The following PLCH1 variants were observed in gnomAD, a reference collection of about 807,000 sequenced individuals.
PLCH1 encodes phospholipase C eta 1.
A neutral mutation model predicts 126.7 loss-of-function variants in PLCH1; 60 were observed. The observed-to-expected ratio is 0.47, with a 90% CI of 0.38 to 0.59. The LOEUF is 0.59. Ranked by LOEUF, PLCH1 falls within the 20% of genes least tolerant of loss-of-function variation. The pLI, the probability that PLCH1 is intolerant of heterozygous loss-of-function variation, is 0.00. For synonymous variants in PLCH1, 719 were observed against 734.9 expected (o/e 0.98, Z 0.35); for missense variants, 1,723 against 2,040.0 (o/e 0.84, Z 2.99).
rs1257181593 is a variant in PLCH1, at chr3:155,500,750, C to A, written c.1749G>T (p.Glu583Asp). 6.2e-7 allele frequency: 1 copy of A among 1,613,708 alleles called. No individual in the cohort carries two copies. Reference sequence around the variant, plus strand: ...TGCCAGTACTCTGCTGTGTGTCTTCCTCATCATCAGTACTGTAAGATTTAG... The same window carrying A: ...TGCCAGTACTCTGCTGTGTGTCTTCATCATCATCAGTACTGTAAGATTTAG... ...SRSKSYSTDDEEDTQQSTGKE... is the reference protein window; with the variant it reads ...SRSKSYSTDDDEDTQQSTGKE... Residue 583 changes from glutamate to aspartate, a missense_variant, in exon 14 of 23, where the codon GAG becomes GAT. By Grantham distance (45) the Glu-to-Asp change is conservative (BLOSUM62 2). Coordinates refer to ENST00000460012, the MANE Select transcript of PLCH1 (RefSeq NM_014996.4).
At chr3:155,541,208 G>T (rs1724183921) in intron 10 of PLCH1, among the ~76,000 whole-genome samples, 2 of 152,094 alleles carry the variant, frequency 1.3e-5, no homozygotes, top group African/African-American at 2.4e-5. Flanking sequence ...GCACAAGAAT[G>T]ATATAATAGA....
At chr3:155,455,636 C>T (rs1712419265) in intron 21 of PLCH1, among the ~76,000 whole-genome samples, 1 of 152,100 alleles carries the variant, frequency 6.6e-6, no homozygotes, top group Non-Finnish European at 1.5e-5. Flanking sequence ...AGGGTAGGGT[C>T]AACTGGAAAG....
At chr3:155,553,499 A>C (rs1224487194) in intron 9 of PLCH1, among the ~76,000 whole-genome samples, 2 of 152,186 alleles carry the variant, frequency 1.3e-5, no homozygotes, top group Non-Finnish European at 2.9e-5. Flanking sequence ...CTAGGGCAAA[A>C]CCTTAGAAAA....
chr3:155,683,391 T>C lies in PLCH1; in HGVS notation c.79+20755A>G, dbSNP rs112566330. 6.8e-4 allele frequency among the ~76,000 whole-genome samples: 104 copies of C among 152,210 alleles called. 3 individuals carry two copies. Among genetic ancestry groups the C allele is most frequent in the African/African-American group, 2.4e-3 (101 of 41,454 alleles). ...TCAATATAATTGAAAATAAAATCTC[T>C]CATAGACTCAGAACTTGATTTCAAC... On this transcript the variant is annotated intron_variant, in intron 2 of 22. Coordinates refer to ENST00000460012, the MANE Select transcript of PLCH1 (RefSeq NM_014996.4).
intron 2 of PLCH1, among the ~76,000 whole-genome samples, chr3:155,670,285 C>T (rs1577289607): frequency 6.6e-6 from 1 of 152,254 alleles, no homozygotes; most frequent in Non-Finnish European, 1.5e-5. Flanking sequence ...GATTTTATTT[C>T]ACCATCTGGG....
At chr3:155,494,289 G>T in intron 16 of PLCH1, 41 bp from the exon 17 acceptor site, 1 of 1,609,394 alleles carries the variant, frequency 6.2e-7, no homozygotes, top group South Asian at 1.1e-5. Context: ...GCAAGATGGT[G>T]GCATAGTGAG....
intron 22 of PLCH1, 150 bp from the exon 23 acceptor site, chr3:155,483,201 A>C (rs1468318771): frequency 1.1e-5 from 10 of 924,520 alleles, no homozygotes; most frequent in Non-Finnish European, 1.7e-5. Flanking sequence ...TTTGCAACAA[A>C]GTGTCTGTGT....
chr3:155,560,132 T>G (rs1727373268), intron 8 of PLCH1, among the ~76,000 whole-genome samples: 1 of 152,202 alleles, frequency 6.6e-6, no homozygotes, highest in African/African-American at 2.4e-5. Context: ...GAGACAGAAT[T>G]AACAAAGTTG....
chr3:155,579,616 G>A (rs979101160), intron 6 of PLCH1, among the ~76,000 whole-genome samples: 3 of 152,094 alleles, frequency 2.0e-5, no homozygotes, highest in Admixed American at 6.6e-5. Context: ...TGATGAAGAC[G>A]ATAAGAGAAA....
At chr3:155,493,566 AG>A (rs1252654835) in intron 17 of PLCH1, among the ~76,000 whole-genome samples, 1 of 152,082 alleles carries the variant, frequency 6.6e-6, no homozygotes, top group Non-Finnish European at 1.5e-5. Context: ...TCTGATTTTC[AG>A]TAGAGACGGC....
At chr3:155,731,908 T>C (rs2109179014) in intron 1 of PLCH1, among the ~76,000 whole-genome samples, 1 of 150,770 alleles carries the variant, frequency 6.6e-6, no homozygotes, top group Non-Finnish European at 1.5e-5. Context: ...ACTTGATCAC[T>C]TGAGGTTAAG....
At chr3:155,455,800 G>T (rs1301562281) in intron 21 of PLCH1, among the ~76,000 whole-genome samples, 2 of 152,124 alleles carry the variant, frequency 1.3e-5, no homozygotes, top group Non-Finnish European at 2.9e-5. Context: ...AAACCCATAG[G>T]CTATCTTTTC....
chr3:155,704,341 G>A (rs895052789), intron 1 of PLCH1, 77 bp from the exon 2 acceptor site: 6 of 410,790 alleles, frequency 1.5e-5, no homozygotes, highest in Non-Finnish European at 2.1e-5. Flanking sequence ...TAATGCCATC[G>A]GTTGCCCAGC....
chr3:155,502,750 G>A (rs1439974129), intron 13 of PLCH1, among the ~76,000 whole-genome samples: 3 of 151,884 alleles, frequency 2.0e-5, no homozygotes, highest in African/African-American at 4.8e-5. Flanking sequence ...TTCACAGGTC[G>A]AGCTCTTCCG....
chr3:155,450,974 C>A (rs779942176), intron 21 of PLCH1, among the ~76,000 whole-genome samples: 44 of 151,968 alleles, frequency 2.9e-4, no homozygotes, highest in Non-Finnish European at 5.7e-4. Flanking sequence ...CCTTACATAC[C>A]TAACCATGAG....
intron 10 of PLCH1, among the ~76,000 whole-genome samples, chr3:155,528,938 G>A (rs1172324900): frequency 6.6e-6 from 1 of 152,190 alleles, no homozygotes; most frequent in East Asian, 1.9e-4. Context: ...TTTTTGGTCA[G>A]CTTTTTCCAG....
At chr3:155,550,239 T>C (rs1725926773) in intron 9 of PLCH1, among the ~76,000 whole-genome samples, 1 of 152,224 alleles carries the variant, frequency 6.6e-6, no homozygotes, top group African/African-American at 2.4e-5. Flanking sequence ...AGATATATTA[T>C]GTTTCTTTTA....
intron 2 of PLCH1, among the ~76,000 whole-genome samples, chr3:155,604,476 G>T (rs115343414): frequency 1.3e-5 from 2 of 152,072 alleles, no homozygotes; most frequent in East Asian, 3.9e-4. Context: ...AATTGTTTGC[G>T]AACGTTGCAT....
In PLCH1 at chr3:155,482,078, G is replaced by A. The variant is rs781183963; in HGVS notation, c.3948C>T (p.Asp1316=). The A allele has an allele frequency of 1.2e-6, 2 of 1,614,176 alleles. No individual in the cohort carries two copies. The highest frequency in any genetic ancestry group is 1.7e-6 in the Non-Finnish European group (2 of 1,180,040). The change falls in exon 23 of 23, where the codon GAC becomes GAT. Residue 1316 remains aspartate, a synonymous_variant. Coordinates refer to ENST00000460012, the MANE Select transcript of PLCH1 (RefSeq NM_014996.4). ...WLPKSPTKGE[D]WETLKSCSPA... Reference sequence around the variant, plus strand: ...GGCTGCAGCTCTTCAGTGTTTCCCAGTCTTCTCCCTTGGTAGGACTTTTTG... The same window carrying A: ...GGCTGCAGCTCTTCAGTGTTTCCCAATCTTCTCCCTTGGTAGGACTTTTTG...
Sources: gnomAD v4.1 joint callset for allele counts (sites outside exome capture counted in the v4.1 genomes callset) on GRCh38, gnomAD v4.1.1 for gene constraint, MANE v1.5 for transcripts, NCBI Gene and HGNC (gene_info 2026-07-23, HGNC 2026-07-21) for gene names.